CHD5: variants seen among roughly 807,000 people sequenced by gnomAD.
CHD5 encodes the protein ATP-dependent chromatin remodeler CHD5.
Under a neutral mutation model 230.3 loss-of-function variants are expected in CHD5, and 69 were observed. The observed-to-expected ratio is 0.30, with a 90% CI of 0.25 to 0.37. CHD5 has a LOEUF of 0.37. CHD5 is among the 10% of genes least tolerant of loss of function. The probability of loss-of-function intolerance (pLI) is 1.00; values close to 1 mark genes in which losing one functional copy is unlikely to be tolerated. For missense variants in CHD5, 1,827 were observed against 2,622.8 expected (o/e 0.70, Z 6.63); for synonymous variants, 1,064 against 1,065.9 (o/e 1.00, Z 0.03).
Position 6,128,937 on chromosome 1 carries a change from G to A in CHD5, c.3520C>T (p.Arg1174Trp), listed in dbSNP as rs1331857533. 1.2e-6 allele frequency: 2 copies of A among 1,613,032 alleles called. No individual in the cohort carries two copies. The highest frequency in any genetic ancestry group is 1.7e-6 in the Non-Finnish European group (2 of 1,179,992). ...RKMMLTHLVV[R>W]PGLGSKSGSM... ...CCCGACTTGGAGCCGAGGCCGGGCC[G>A]CACCACCAGGTGGGTGAGCATCATC... The change falls in exon 23 of 42, where the codon CGG becomes TGG. Residue 1174 changes from arginine to tryptophan, a missense_variant. By Grantham distance (101) the Arg-to-Trp change is moderately radical. Around this residue, in one of 14 missense-constraint regions of CHD5, gnomAD observed 81 missense variants for 245.4 expected, o/e 0.33. Transcript: ENST00000262450. This position sits in a 1 kb window ranked among gnomAD's most constrained non-coding sequence, Gnocchi z 7.8.
chr1:6,129,858 G>C lies in CHD5; in HGVS notation c.3387+346C>G, dbSNP rs111524514. Among the ~76,000 whole-genome samples, 2 of 152,134 alleles carry C rather than the reference G, an allele frequency of 1.3e-5. No homozygotes were observed. Among genetic ancestry groups the C allele is most frequent in the African/African-American group, 4.8e-5 (2 of 41,500 alleles). ...CCCCTTCAAAATGGGTGCCCCTCTG[G>C]GTCCCAGGGCTCCCTCTTCCTGCCT... On this transcript the variant is annotated intron_variant, in intron 22 of 41. Transcript: ENST00000262450. The surrounding 1 kb of genome is among the most constrained non-coding windows in gnomAD (Gnocchi z 6.8).
rs767641232 is a variant in CHD5, at chr1:6,151,138, C to G, written c.888G>C (p.Arg296Ser). Residue 296 changes from arginine (R) to serine (S), a missense_variant, in exon 7 of 42, where the codon AGG becomes AGC. By Grantham distance (110) the Arg-to-Ser change is moderately radical. Around this residue, in one of 14 missense-constraint regions of CHD5, gnomAD observed 657 missense variants for 816.4 expected, o/e 0.80. Transcript: ENST00000262450. ...TGGCGCTGTCGAAGTCCGACTCCTC[C>G]CTCTCATCTTCTTCACTCTGCAGGG... ...KKGSSSEEDE[R>S]EESDFDSASI... The G allele has an allele frequency of 6.2e-7, 1 of 1,605,932 alleles. No individual in the cohort carries two copies. The highest frequency in any genetic ancestry group is 1.7e-5 in the Admixed American group (1 of 59,416).
rs1666258860 is a variant in CHD5 at position 6,109,967 on chromosome 1, A to G, written c.5406T>C (p.Ile1802=). The change falls in exon 38 of 42, where the codon ATT becomes ATC. Residue 1802 remains isoleucine, a synonymous_variant. Transcript: ENST00000262450. The part of the protein sequence containing the change: ...RFKLLEQALV[I]EEQLRRAAYL... ...ACGCGGCCCTCCGGAGCTGCTCCTC[A>G]ATGACCAACGCCTGCTCCAGCAGCT... 2 of 1,560,104 alleles carry G rather than the reference A, an allele frequency of 1.3e-6. No individual in the cohort carries two copies. Among genetic ancestry groups the G allele is most frequent in the Admixed American group, 1.9e-5 (1 of 52,796 alleles).
At position 6,155,999 on chromosome 1, in the gene CHD5, C is replaced by T. The variant is rs1667075734; in HGVS notation, c.388-282G>A. ...GGAGAGGCCATGTGTGTGCCCTGAA[C>T]TTCCAGAAAGGGAAATCAGCCAGGT... On this transcript the variant is annotated intron_variant, in intron 3 of 41. Transcript: ENST00000262450. This position sits in a 1 kb window ranked among gnomAD's most constrained non-coding sequence, Gnocchi z 4.0. Among the ~76,000 whole-genome samples the T allele has an allele frequency of 6.6e-6, 1 of 152,210 alleles. No homozygotes were observed. Among genetic ancestry groups the T allele is most frequent in the Non-Finnish European group, 1.5e-5 (1 of 68,042 alleles).
Position 6,155,472 on chromosome 1 carries a change from T to A in CHD5, c.506+127A>T. The A allele has an allele frequency of 1.4e-6, 1 of 729,932 alleles. No individual in the cohort carries two copies. The highest frequency in any genetic ancestry group is 2.6e-5 in the East Asian group (1 of 38,418). The allele number at this position is 729,932 out of a possible 1,614,324, so 45.2% of individuals were successfully genotyped here. ...CCCCCTCCCTCCAGCTCCCCCAGGT[T>A]GCTCAGTCGGTCTGACAGAGCCCAC... is the stretch of plus-strand genomic sequence containing the variant. On this transcript the variant is annotated intron_variant, in intron 4 of 41. Transcript: ENST00000262450. The surrounding 1 kb of genome is among the most constrained non-coding windows in gnomAD (Gnocchi z 4.0).
At chr1:6,114,544 T>C (rs1666345836) in intron 33 of CHD5, among the ~76,000 whole-genome samples, 1 of 151,778 alleles carries the variant, frequency 6.6e-6, no homozygotes. Flanking sequence ...TATATATATA[T>C]ATCACAAAAA....
In CHD5 at chr1:6,154,569, C is replaced by T. The variant is rs1464787685; in HGVS notation, c.745+91G>A. 6.5e-6 allele frequency: 8 copies of T among 1,232,912 alleles called. No homozygotes were observed. The highest frequency in any genetic ancestry group is 8.8e-6 in the Non-Finnish European group (8 of 904,062). The allele number at this position is 1,232,912 out of a possible 1,614,324, so 76.4% of individuals were successfully genotyped here. A position where few individuals can be genotyped will look rare whatever the true frequency, so the allele number is the denominator to read the frequency against. Reference sequence around the variant, plus strand: ...ATTAGGAGCACCCCAGCTGCCCCTCCCTGCCCGCGTCTGCCCCGTGGCTTC... The same window carrying T: ...ATTAGGAGCACCCCAGCTGCCCCTCTCTGCCCGCGTCTGCCCCGTGGCTTC... On this transcript the variant is annotated intron_variant, in intron 5 of 41. Coordinates refer to ENST00000262450, the MANE Select transcript of CHD5 (RefSeq NM_015557.3). The surrounding 1 kb of genome is among the most constrained non-coding windows in gnomAD (Gnocchi z 7.0).
At chr1:6,141,611 A>C (rs1412854747) in intron 15 of CHD5, among the ~76,000 whole-genome samples, 3 of 152,078 alleles carry the variant, frequency 2.0e-5, no homozygotes, top group African/African-American at 4.8e-5. Context: ...TGTCTCAAAA[A>C]AATAAATAAA....
At chr1:6,136,432 C>T (rs1483228559) in intron 17 of CHD5, 85 bp downstream of exon 17, 8 of 1,510,804 alleles carry the variant, frequency 5.3e-6, no homozygotes, top group Middle Eastern at 2.4e-4. Context: ...GAGCAGGTCT[C>T]ACAGCCAGGA....
rs953564628 is a variant in CHD5, at chr1:6,165,996, A to T, written c.207+2154T>A. ...GGAGCCTCCACACCCAGCTCCACAGACCCGGGTTCCCCCTTCACCTCACAA... is the reference window on the plus strand; with the variant it reads ...GGAGCCTCCACACCCAGCTCCACAGTCCCGGGTTCCCCCTTCACCTCACAA... On this transcript the variant is annotated intron_variant, in intron 2 of 41. Transcript: ENST00000262450. Among the ~76,000 whole-genome samples, 30 of 151,432 alleles carry T rather than the reference A, an allele frequency of 2.0e-4. 1 individual carries two copies. The highest frequency in any genetic ancestry group is 7.0e-4 in the African/African-American group (29 of 41,178).
At chr1:6,162,047 A>G (rs1308646097) in intron 2 of CHD5, among the ~76,000 whole-genome samples, 4 of 152,188 alleles carry the variant, frequency 2.6e-5, no homozygotes. Flanking sequence ...TCGTCTGTGA[A>G]CTGGGAATGC....
At chr1:6,171,688 G>C (rs1050849844) in intron 1 of CHD5, among the ~76,000 whole-genome samples, 28 of 152,248 alleles carry the variant, frequency 1.8e-4, no homozygotes, top group African/African-American at 6.8e-4. Context: ...GAGCCCACCA[G>C]TCCCTCCTCC....
chr1:6,143,309 A>G (rs1418225838), intron 13 of CHD5, among the ~76,000 whole-genome samples: 1 of 152,098 alleles, frequency 6.6e-6, no homozygotes, highest in African/African-American at 2.4e-5. Flanking sequence ...CTGGGATTAC[A>G]GGCATGAGCC....
chr1:6,180,312 A>G lies in CHD5; in HGVS notation c.-289T>C, dbSNP rs1419259808. The stretch of plus-strand genomic sequence containing the variant: ...GGGTGGCGGCGGCAGCGCCAGAGGC[A>G]CGGCGGCACGGCGGGGGGGCGGCAC... On this transcript the variant is annotated 5_prime_UTR_variant, in exon 1 of 42. Coordinates refer to ENST00000262450, the MANE Select transcript of CHD5 (RefSeq NM_015557.3). Among the ~76,000 whole-genome samples, 1 of 150,684 alleles carries G rather than the reference A, an allele frequency of 6.6e-6. No individual in the cohort carries two copies. Among genetic ancestry groups the G allele is most frequent in the East Asian group, 2.0e-4 (1 of 5,112 alleles).
chr1:6,174,796 G>A (rs1427850566), intron 1 of CHD5, among the ~76,000 whole-genome samples: 1 of 152,040 alleles, frequency 6.6e-6, no homozygotes, highest in Non-Finnish European at 1.5e-5. Flanking sequence ...GTGGATGGAT[G>A]AATGGTGGAT....
rs746405484 is a variant in CHD5, at chr1:6,130,564, G to T, written c.3263-236C>A. On this transcript the variant is annotated intron_variant, in intron 21 of 41. Transcript: ENST00000262450. This position sits in a 1 kb window ranked among gnomAD's most constrained non-coding sequence, Gnocchi z 4.9. Reference sequence around the variant, plus strand: ...GCTCTGAGCCCTAGTGCAGTGGGAGGGCACTGGAACGAGGAGGTCAATTTT... The same window carrying T: ...GCTCTGAGCCCTAGTGCAGTGGGAGTGCACTGGAACGAGGAGGTCAATTTT... Among the ~76,000 whole-genome samples the T allele has an allele frequency of 2.0e-5, 3 of 152,144 alleles. No homozygotes were observed. Among genetic ancestry groups the T allele is most frequent in the Non-Finnish European group, 4.4e-5 (3 of 68,018 alleles).
chr1:6,170,301 C>T (rs1667316611), intron 1 of CHD5, among the ~76,000 whole-genome samples: 1 of 152,156 alleles, frequency 6.6e-6, no homozygotes, highest in Non-Finnish European at 1.5e-5. Flanking sequence ...CCCCACCGCC[C>T]GGCCTGGGAC....
At position 6,155,072 on chromosome 1, in the gene CHD5, C is replaced by A. The variant is rs907823441; in HGVS notation, c.507-174G>T. ...CTGACCACAGCCCACCCCCAAAACG[C>A]CCCAGCTTCCTGTCCACACCCACAG... is the stretch of plus-strand genomic sequence containing the variant. On this transcript the variant is annotated intron_variant, in intron 4 of 41. Coordinates refer to ENST00000262450, the MANE Select transcript of CHD5 (RefSeq NM_015557.3). The surrounding 1 kb of genome is among the most constrained non-coding windows in gnomAD (Gnocchi z 4.0). 1.7e-5 allele frequency among the ~76,000 whole-genome samples: 2 copies of A among 118,220 alleles called. No homozygotes were observed. Among genetic ancestry groups the A allele is most frequent in the African/African-American group, 3.0e-5 (1 of 33,514 alleles). 77.6% of individuals were successfully genotyped at this position (118,220 alleles called of 152,430 possible). A position where few individuals can be genotyped will look rare whatever the true frequency, so the allele number is the denominator to read the frequency against.
rs1392008900 is a variant in CHD5, at chr1:6,102,302, T to C, written c.*3172A>G. 1.8e-5 allele frequency: 3 copies of C among 162,680 alleles called. No homozygotes were observed. The highest frequency in any genetic ancestry group is 4.0e-5 in the Non-Finnish European group (3 of 74,342). The allele number at this position is 162,680 out of a possible 1,614,324, so 10.1% of individuals were successfully genotyped here. ...AAAAAAAAACACAACGCCAGTGAGTTTGGGCTGATGCACCACAACCTGTAA... is the reference window on the plus strand; with the variant it reads ...AAAAAAAAACACAACGCCAGTGAGTCTGGGCTGATGCACCACAACCTGTAA... On this transcript the variant is annotated 3_prime_UTR_variant, in exon 42 of 42. Coordinates refer to ENST00000262450, the MANE Select transcript of CHD5 (RefSeq NM_015557.3).
Sources: allele counts gnomAD v4.1 joint callset (sites outside exome capture counted in the v4.1 genomes callset), GRCh38; gene constraint gnomAD v4.1.1; regional missense constraint gnomAD v4.1.1; non-coding constraint Gnocchi (gnomAD v3.1); transcripts MANE v1.5; gene names NCBI Gene and HGNC (gene_info 2026-07-23, HGNC 2026-07-21).